The following CSMD1 variants were observed in gnomAD, a reference collection of about 807,000 sequenced individuals.
CSMD1 encodes the protein CUB and Sushi multiple domains 1.
CSMD1 carries 213 observed loss-of-function variants against 417.5 expected under a neutral mutation model. The ratio of observed to expected loss-of-function variants is 0.51; its 90% CI spans 0.46 to 0.57. CSMD1 has a LOEUF of 0.57. Among genes scored for constraint, CSMD1 ranks in the 20% least tolerant of loss-of-function variants. The pLI is 0.00. For missense variants in CSMD1, 6,923 were observed against 4,529.7 expected (o/e 1.53, Z -15.17); for synonymous variants, 2,862 against 1,736.8 (o/e 1.65, Z -16.11).
At chr8:4,985,431 T>C (rs1027204882) in intron 1 of CSMD1, among the ~76,000 whole-genome samples, 2 of 152,222 alleles carry the variant, frequency 1.3e-5, no homozygotes, top group Non-Finnish European at 2.9e-5. Flanking sequence ...GTTACAGTTA[T>C]ACTGAACTGA....
Position 4,282,696 on chromosome 8 carries a change from T to C in CSMD1, c.415+137257A>G, listed in dbSNP as rs144630932. Among the ~76,000 whole-genome samples the C allele has an allele frequency of 1.6e-3, 249 of 152,306 alleles. No individual in the cohort carries two copies. In the South Asian group the frequency reaches 0.029, roughly 17 times the overall value. On this transcript the variant is annotated intron_variant, in intron 3 of 69. Coordinates refer to ENST00000635120, the MANE Select transcript of CSMD1 (RefSeq NM_033225.6). ...AGGAACTGAGTTGGCTGTGACAGCATCCTAACAACTCATTTATAATCGGAA... is the reference window on the plus strand; with the variant it reads ...AGGAACTGAGTTGGCTGTGACAGCACCCTAACAACTCATTTATAATCGGAA...
At chr8:4,842,561 G>A (rs757442274) in intron 1 of CSMD1, among the ~76,000 whole-genome samples, 36 of 152,164 alleles carry the variant, frequency 2.4e-4, no homozygotes, top group Non-Finnish European at 3.8e-4. Context: ...CACAACGTAG[G>A]AGCCATATTG....
chr8:4,817,028 G>T (rs568533333), intron 1 of CSMD1, among the ~76,000 whole-genome samples: 1 of 152,120 alleles, frequency 6.6e-6, no homozygotes, highest in African/African-American at 2.4e-5. Flanking sequence ...TCCTGGCAGG[G>T]AAATGCGTGT....
At chr8:3,558,732 T>TCCACTCCTCCAATGATGAATG (rs1799333202) in intron 10 of CSMD1, among the ~76,000 whole-genome samples, 1 of 149,072 alleles carries the variant, frequency 6.7e-6, no homozygotes, top group African/African-American at 2.5e-5. Flanking sequence ...TAGTACCCCG[T>TCCACTCCTCCAATGATGAATG]GTTCACTCCT....
At chr8:3,617,908 C>T (rs1232577606) in intron 7 of CSMD1, among the ~76,000 whole-genome samples, 5 of 152,070 alleles carry the variant, frequency 3.3e-5, no homozygotes, top group South Asian at 2.1e-4. Context: ...TAAATAATTC[C>T]GTGAGAAGAA....
At chr8:3,382,228 C>T (rs886315408) in intron 18 of CSMD1, among the ~76,000 whole-genome samples, 1 of 151,634 alleles carries the variant, frequency 6.6e-6, no homozygotes, top group African/African-American at 2.4e-5. Flanking sequence ...CACTGTGCTC[C>T]AGCAGGAAAG....
In CSMD1 at chr8:4,900,520, C is replaced by A. The variant is rs947252240; in HGVS notation, c.85+93812G>T. On this transcript the variant is annotated intron_variant, in intron 1 of 69. Transcript: ENST00000635120. ...CTGTCATCACTTCTGGTCTGCCAGT[C>A]TCTGATTTCTACACAATCCAGATGC... is the stretch of plus-strand genomic sequence containing the variant. Among the ~76,000 whole-genome samples the A allele has an allele frequency of 4.6e-5, 7 of 152,140 alleles. No homozygotes were observed. The East Asian group carries it at 1.3e-3, about 29-fold the overall frequency.
chr8:3,646,433 A>G (rs540360035), intron 7 of CSMD1, among the ~76,000 whole-genome samples: 70 of 152,312 alleles, frequency 4.6e-4, no homozygotes, highest in African/African-American at 1.6e-3. Flanking sequence ...CAAAATTAAG[A>G]ACCTTGTTTG....
chr8:4,640,121 T>C (rs891980636), intron 1 of CSMD1, among the ~76,000 whole-genome samples: 1 of 152,206 alleles, frequency 6.6e-6, no homozygotes, highest in African/African-American at 2.4e-5. Context: ...TGAACAGATA[T>C]GAAGATTTCC....
intron 3 of CSMD1, among the ~76,000 whole-genome samples, chr8:4,040,323 G>A (rs998182716): frequency 6.6e-6 from 1 of 152,094 alleles, no homozygotes; most frequent in Non-Finnish European, 1.5e-5. Flanking sequence ...TATATATATT[G>A]AGTATGTATC....
rs1386662866 is a variant in CSMD1 at position 4,994,391 on chromosome 8, G to C, written c.26C>G (p.Ser9Trp). The change falls in exon 1 of 70, where the codon TCG becomes TGG. Residue 9 changes from serine (S) to tryptophan (W), a missense_variant. By Grantham distance (177) the Ser-to-Trp change is radical. Transcript: ENST00000635120. The part of the protein sequence containing the change: MTAWRRFQ[S>W]LLLLLGLLVL... ...CAGCAGCCCGAGAAGCAGGAGCAGC[G>C]ACTGGAATCTCCTCCACGCAGTCAT... 6.2e-7 allele frequency: 1 copy of C among 1,612,188 alleles called. No homozygotes were observed. The highest frequency in any genetic ancestry group is 1.3e-5 in the African/African-American group (1 of 74,930).
At chr8:4,375,363 AG>A (rs1399629344) in intron 3 of CSMD1, among the ~76,000 whole-genome samples, 2 of 152,088 alleles carry the variant, frequency 1.3e-5, no homozygotes, top group Non-Finnish European at 2.9e-5. Context: ...CCATCCACAC[AG>A]GGGCACTTTT....
intron 1 of CSMD1, among the ~76,000 whole-genome samples, chr8:4,821,156 A>C (rs554855144): frequency 6.6e-6 from 1 of 152,304 alleles, no homozygotes; most frequent in African/African-American, 2.4e-5. Context: ...TCTGAGTCAC[A>C]GATCCTCTCT....
intron 7 of CSMD1, among the ~76,000 whole-genome samples, chr8:3,642,301 G>A (rs1797346039): frequency 6.6e-6 from 1 of 152,136 alleles, no homozygotes; most frequent in African/African-American, 2.4e-5. Context: ...AAAGAGATCA[G>A]AAAGAGTGAA....
chr8:4,760,715 T>A (rs989742417), intron 1 of CSMD1, among the ~76,000 whole-genome samples: 4 of 152,200 alleles, frequency 2.6e-5, no homozygotes, highest in African/African-American at 9.6e-5. Flanking sequence ...ATAAAAGGTG[T>A]ATTTTGTAAT....
chr8:3,896,000 G>A (rs1807334852), intron 5 of CSMD1, among the ~76,000 whole-genome samples: 1 of 152,178 alleles, frequency 6.6e-6, no homozygotes. Flanking sequence ...AAATCATTCA[G>A]TGCAGTGTGG....
chr8:3,670,904 T>TCTATGGGATATACAA (rs1798983733), intron 7 of CSMD1, among the ~76,000 whole-genome samples: 1 of 113,196 alleles, frequency 8.8e-6, no homozygotes, highest in Non-Finnish European at 1.9e-5. Context: ...GTGATATATA[T>TCTATGGGATATACAA]GTATATGGGA....
intron 23 of CSMD1, among the ~76,000 whole-genome samples, chr8:3,337,051 TG>T (rs1234659495): frequency 1.3e-5 from 2 of 152,118 alleles, no homozygotes; most frequent in Non-Finnish European, 2.9e-5. Context: ...AGGCTGGAGC[TG>T]GGGTTGGCCA....
At chr8:4,796,913 C>G (rs570671230) in intron 1 of CSMD1, among the ~76,000 whole-genome samples, 1 of 152,170 alleles carries the variant, frequency 6.6e-6, no homozygotes, top group Admixed American at 6.5e-5. Context: ...CACATTAGGT[C>G]TCTGAGTGTG....
Sources: allele counts gnomAD v4.1 joint callset (sites outside exome capture counted in the v4.1 genomes callset), GRCh38; gene constraint gnomAD v4.1.1; transcripts MANE v1.5; gene names NCBI Gene and HGNC (gene_info 2026-07-23, HGNC 2026-07-21).